Variants in ADGRL2 observed in about 807,000 individuals in gnomAD.
ADGRL2 encodes calcium-independent alpha-latrotoxin receptor 2.
In ADGRL2, 44 loss-of-function variants were observed where a neutral mutation model predicts 157.4. That is an observed-to-expected ratio of 0.28 (90% CI 0.22 to 0.36). ADGRL2 has a LOEUF of 0.36. Among genes scored for constraint, ADGRL2 ranks in the 10% least tolerant of loss-of-function variants. The pLI, the probability that ADGRL2 is intolerant of heterozygous loss-of-function variation, is 1.00. For missense variants in ADGRL2, 1,510 were observed against 1,768.9 expected, an observed-to-expected ratio of 0.85 and a Z score of 2.63; for synonymous variants, 585 against 624.7, an observed-to-expected ratio of 0.94 and a Z score of 0.95.
At chr1:81,356,623 G>A (rs1663308226) in intron 1 of ADGRL2, among the ~76,000 whole-genome samples, 1 of 152,152 alleles carries the variant, frequency 6.6e-6, no homozygotes, top group African/African-American at 2.4e-5. Context: ...CATCTTCTCA[G>A]TGGGATGTTT....
At chr1:81,941,356 A>G (rs181220169) in intron 4 of ADGRL2, among the ~76,000 whole-genome samples, 207 of 151,692 alleles carry the variant, frequency 1.4e-3, no homozygotes, top group Middle Eastern at 3.4e-3. Flanking sequence ...ATGGGGGGAT[A>G]TTGATATATT....
intron 1 of ADGRL2, among the ~76,000 whole-genome samples, chr1:81,403,352 C>T (rs1259167658): frequency 1.3e-5 from 2 of 152,088 alleles, no homozygotes; most frequent in African/African-American, 2.4e-5. Flanking sequence ...GCAACCTCCT[C>T]CTCTCGGGCT....
chr1:81,377,813 A>T (rs1186130040), intron 1 of ADGRL2, among the ~76,000 whole-genome samples: 1 of 152,060 alleles, frequency 6.6e-6, no homozygotes, highest in Admixed American at 6.5e-5. Context: ...TTAACACCAC[A>T]TCTCTCATGA....
At chr1:81,655,957 C>T (rs1275430498) in intron 3 of ADGRL2, among the ~76,000 whole-genome samples, 7 of 152,288 alleles carry the variant, frequency 4.6e-5, no homozygotes, top group African/African-American at 1.7e-4. Flanking sequence ...TCAGGACTGC[C>T]AGAGGCATTT....
chr1:81,567,635 A>C (rs1264196287), intron 2 of ADGRL2, among the ~76,000 whole-genome samples: 1 of 152,156 alleles, frequency 6.6e-6, no homozygotes, highest in East Asian at 1.9e-4. Flanking sequence ...ATTAGGTTCA[A>C]TGAAGCACTA....
intron 1 of ADGRL2, among the ~76,000 whole-genome samples, chr1:81,381,277 T>G (rs1003015564): frequency 6.6e-6 from 1 of 152,204 alleles, no homozygotes; most frequent in East Asian, 1.9e-4. Flanking sequence ...TTTGGTTTCA[T>G]GTTACATTGG....
intron 3 of ADGRL2, among the ~76,000 whole-genome samples, chr1:81,631,994 A>AT (rs1406338581): frequency 5.3e-5 from 8 of 152,200 alleles, no homozygotes; most frequent in Admixed American, 3.3e-4. Context: ...CCCATCAAAT[A>AT]TTTATTATAT....
chr1:81,557,455 GA>G (rs779485099), intron 2 of ADGRL2: 1 of 48,206 alleles, frequency 2.1e-5, no homozygotes, highest in Non-Finnish European at 4.5e-5. Context: ...AAGAGAGAAA[GA>G]AAGAAAGAAA....
chr1:81,887,751 G>A (rs1040201455), intron 2 of ADGRL2, among the ~76,000 whole-genome samples: 1 of 152,148 alleles, frequency 6.6e-6, no homozygotes. Context: ...AAAGGTGCAA[G>A]ACTTGATATT....
intron 3 of ADGRL2, among the ~76,000 whole-genome samples, chr1:81,641,175 T>A (rs12742099): frequency 0.24 from 36,972 of 152,024 alleles, 5,133 homozygotes; most frequent in Non-Finnish European, 0.32. Flanking sequence ...ATAAGGCAAA[T>A]ATCGACAGAA....
intron 1 of ADGRL2, among the ~76,000 whole-genome samples, chr1:81,418,556 C>T (rs1364058046): frequency 6.6e-6 from 1 of 151,946 alleles, no homozygotes; most frequent in Non-Finnish European, 1.5e-5. Flanking sequence ...TCAAAACCAT[C>T]CTGGCTAACA....
chr1:81,407,512 T>G (rs1237247127), intron 1 of ADGRL2, among the ~76,000 whole-genome samples: 2 of 152,222 alleles, frequency 1.3e-5, no homozygotes, highest in African/African-American at 4.8e-5. Context: ...ATGAAATGGT[T>G]CAAGCAGATA....
intron 2 of ADGRL2, among the ~76,000 whole-genome samples, chr1:81,769,311 T>C (rs2086261534): frequency 2.0e-5 from 3 of 152,192 alleles, no homozygotes; most frequent in South Asian, 4.1e-4. Flanking sequence ...AGCATTCCCT[T>C]ATCTGTGTTT....
intron 3 of ADGRL2, among the ~76,000 whole-genome samples, chr1:81,596,747 A>G (rs1282010539): frequency 6.6e-6 from 1 of 152,050 alleles, no homozygotes; most frequent in Admixed American, 6.6e-5. Context: ...AACTTTTGGC[A>G]CAACGAATTT....
chr1:81,572,423 T>G (rs917725458), intron 2 of ADGRL2, among the ~76,000 whole-genome samples: 1 of 152,200 alleles, frequency 6.6e-6, no homozygotes, highest in Non-Finnish European at 1.5e-5. Context: ...GATCCTGCCC[T>G]TAAGGTGCTT....
chr1:81,811,088 A>G (rs543632779), intron 1 of ADGRL2, among the ~76,000 whole-genome samples: 2 of 151,980 alleles, frequency 1.3e-5, no homozygotes, highest in South Asian at 4.1e-4. Flanking sequence ...AACTAGATCT[A>G]CAGCCTGAAT....
intron 3 of ADGRL2, among the ~76,000 whole-genome samples, chr1:81,690,045 C>T (rs778655892): frequency 3.3e-5 from 5 of 152,128 alleles, no homozygotes; most frequent in African/African-American, 1.2e-4. Context: ...CTTACTTACT[C>T]ACAGGAGTAG....
At chr1:81,426,292 A>C (rs1324649321) in intron 1 of ADGRL2, among the ~76,000 whole-genome samples, 1 of 152,114 alleles carries the variant, frequency 6.6e-6, no homozygotes, top group Non-Finnish European at 1.5e-5. Flanking sequence ...GCCTATTTAC[A>C]GGGGAGGTGG....
chr1:81,318,411 A>G lies in ADGRL2; in HGVS notation c.-302+11902A>G, dbSNP rs116413942. On this transcript the variant is annotated intron_variant, in intron 1 of 24. Coordinates refer to the ADGRL2 transcript ENST00000370721. ...CAGGCTGTGCCATTTAGAAGCTGTG[A>G]GACCTTAAACAAGTTATTTAATTCC... is the stretch of plus-strand genomic sequence containing the variant. Among the ~76,000 whole-genome samples the G allele has an allele frequency of 4.5e-3, 687 of 152,300 alleles. 4 individuals carry two copies. The highest frequency in any genetic ancestry group is 7.8e-3 in the Non-Finnish European group (533 of 68,008).
Sources: allele counts gnomAD v4.1 joint callset (sites outside exome capture counted in the v4.1 genomes callset), GRCh38; gene constraint gnomAD v4.1.1; transcripts MANE v1.5; gene names NCBI Gene and HGNC (gene_info 2026-07-23, HGNC 2026-07-21).